The following SMARCAD1 variants were observed in gnomAD, a reference collection of about 807,000 sequenced individuals.
SMARCAD1 encodes SNF2 related chromatin remodeling ATPase with DExD box 1, also known as SWI/SNF-related matrix-associated actin-dependent regulator of chromatin subfamily A containing DEAD/H box 1.
In SMARCAD1, 25 loss-of-function variants were observed where a neutral mutation model predicts 127.1. The ratio of observed to expected loss-of-function variants is 0.20; its 90% CI spans 0.14 to 0.27. SMARCAD1 has a LOEUF of 0.27. Ranked by LOEUF, SMARCAD1 falls within the 10% of genes least tolerant of loss-of-function variation. SMARCAD1 has a pLI of 1.00. For synonymous variants in SMARCAD1, 400 were observed against 396.9 expected, an observed-to-expected ratio of 1.01 and a Z score of -0.09; for missense variants, 807 against 1,206.0, an observed-to-expected ratio of 0.67 and a Z score of 4.90.
rs61762662 is a variant in SMARCAD1, at chr4:94,277,078, C to G, written c.2001C>G (p.Leu667=). 3,315 of 1,614,066 alleles carry G rather than the reference C, an allele frequency of 2.1e-3. 5 individuals carry two copies. Among genetic ancestry groups the G allele is most frequent in the Non-Finnish European group, 2.3e-3 (2,707 of 1,179,954 alleles). The change falls in exon 16 of 24, where the codon CTC becomes CTG. Residue 667 remains leucine, a synonymous_variant. Coordinates refer to ENST00000354268, the MANE Select transcript of SMARCAD1 (RefSeq NM_020159.5). ...GTPVQNNLLE[L]MSLLNFVMPH... is the part of the protein sequence containing the mutation. ...CTGTACAGAACAATCTGTTAGAACT[C>G]ATGTCGCTGTTGAATTTTGTTATGC...
At chr4:94,269,094 T>A (rs756925605) in intron 10 of SMARCAD1, among the ~76,000 whole-genome samples, 1 of 152,252 alleles carries the variant, frequency 6.6e-6, no homozygotes, top group African/African-American at 2.4e-5. Context: ...TACTGCTTTT[T>A]CTCCTACCTA....
At chr4:94,249,547 CTGA>C (rs1195252390) in intron 6 of SMARCAD1, 104 bp from the exon 7 acceptor site, 13 of 712,788 alleles carry the variant, frequency 1.8e-5, no homozygotes, top group Non-Finnish European at 2.8e-5. Context: ...ATTCTTCTGA[CTGA>C]TGATGATAAT....
chr4:94,261,181 A>T (rs985557909), intron 9 of SMARCAD1, among the ~76,000 whole-genome samples: 1 of 151,786 alleles, frequency 6.6e-6, no homozygotes, highest in Admixed American at 6.6e-5. Context: ...ATAAAGATTC[A>T]GTGTGCTTCA....
chr4:94,273,495 A>G, intron 11 of SMARCAD1, 122 bp from the exon 12 acceptor site: 3 of 702,796 alleles, frequency 4.3e-6, no homozygotes, highest in Admixed American at 2.4e-5. Context: ...ATTCCTTTAG[A>G]GTTGCATTCT....
chr4:94,232,718 C>T (rs924407893), intron 3 of SMARCAD1, among the ~76,000 whole-genome samples: 1 of 152,150 alleles, frequency 6.6e-6, no homozygotes, highest in Non-Finnish European at 1.5e-5. Flanking sequence ...TTTGGAAGGC[C>T]AAGGCGGGCG....
At position 94,264,558 on chromosome 4, in the gene SMARCAD1, A is replaced by C. The variant is rs533456086; in HGVS notation, c.1282-149A>C. ...AACATGTAGCAACTCAAATATAAACATGAAGAATCAGGTTCTCTTAGTAGT... is the reference window on the plus strand; with the variant it reads ...AACATGTAGCAACTCAAATATAAACCTGAAGAATCAGGTTCTCTTAGTAGT... On this transcript the variant is annotated intron_variant, in intron 9 of 23. Transcript: ENST00000354268. The C allele has an allele frequency of 1.3e-5, 8 of 606,928 alleles. No homozygotes were observed. The East Asian group carries it at 2.3e-4, about 17-fold the overall frequency. 37.6% of individuals were successfully genotyped at this position (606,928 alleles called of 1,614,324 possible).
intron 16 of SMARCAD1, 98 bp from the exon 17 acceptor site, chr4:94,278,324 G>T: frequency 9.5e-7 from 1 of 1,056,902 alleles, no homozygotes; most frequent in South Asian, 1.4e-5. Context: ...AAATAACTCA[G>T]ACTCTAATGA....
chr4:94,278,400 GAT>G lies in SMARCAD1; in HGVS notation c.2083-19_2083-18del, dbSNP rs756070300. On this transcript the variant is annotated intron_variant, in intron 16 of 23. Coordinates refer to ENST00000354268, the MANE Select transcript of SMARCAD1 (RefSeq NM_020159.5). ...AATTTAAGTGAATAATTCCTAAAAG[GAT>G]ATGTTTTTATTTTGCTCAGAAATCA... 3.0e-5 allele frequency: 47 copies of G among 1,571,432 alleles called. No individual in the cohort carries two copies. Among genetic ancestry groups the G allele is most frequent in the Non-Finnish European group, 3.9e-5 (44 of 1,141,534 alleles).
At chr4:94,231,428 A>G (rs1012945121) in intron 3 of SMARCAD1, among the ~76,000 whole-genome samples, 1 of 152,204 alleles carries the variant, frequency 6.6e-6, no homozygotes, top group Non-Finnish European at 1.5e-5. Context: ...AAAAAGAGCA[A>G]GTGGTCAACT....
chr4:94,270,277 C>T (rs1387323514), intron 10 of SMARCAD1, among the ~76,000 whole-genome samples: 3 of 152,054 alleles, frequency 2.0e-5, no homozygotes, highest in Admixed American at 1.3e-4. Flanking sequence ...GTGATTGACA[C>T]ACATTCAGAA....
intron 2 of SMARCAD1, among the ~76,000 whole-genome samples, chr4:94,214,268 T>G (rs1484211385): frequency 4.8e-5 from 2 of 41,464 alleles, no homozygotes; most frequent in Admixed American, 3.4e-4. Context: ...TTCTTTTGTT[T>G]TTTTTTTTTT....
chr4:94,260,798 C>T (rs1052780603), intron 9 of SMARCAD1, among the ~76,000 whole-genome samples: 1 of 152,048 alleles, frequency 6.6e-6, no homozygotes, highest in African/African-American at 2.4e-5. Flanking sequence ...ATTGGTCACC[C>T]CCACCTTTTA....
chr4:94,233,918 T>A, intron 3 of SMARCAD1, 36 bp from the exon 4 acceptor site: 2 of 1,607,502 alleles, frequency 1.2e-6, no homozygotes, highest in Non-Finnish European at 8.5e-7. Flanking sequence ...AGTAATACAT[T>A]AAAAATGTTT....
chr4:94,220,301 G>A (rs1434370670), intron 2 of SMARCAD1, among the ~76,000 whole-genome samples: 1 of 152,102 alleles, frequency 6.6e-6, no homozygotes, highest in Non-Finnish European at 1.5e-5. Flanking sequence ...AGGCTGGAGT[G>A]CAATGGCGTG....
intron 6 of SMARCAD1, 39 bp from the exon 7 acceptor site, chr4:94,249,615 A>G: frequency 9.6e-7 from 1 of 1,036,348 alleles, no homozygotes; most frequent in Non-Finnish European, 1.5e-6. Flanking sequence ...TGTTATTGAT[A>G]TCTCTTAAAT....
intron 3 of SMARCAD1, 91 bp downstream of exon 3, chr4:94,226,387 C>CTTTT: frequency 1.0e-6 from 1 of 978,326 alleles, no homozygotes; most frequent in Non-Finnish European, 1.5e-6. Context: ...TGGTGACTTC[C>CTTTT]CTTTTTTTTT....
At chr4:94,222,258 T>C (rs1229365823) in intron 2 of SMARCAD1, among the ~76,000 whole-genome samples, 2 of 152,222 alleles carry the variant, frequency 1.3e-5, no homozygotes, top group African/African-American at 4.8e-5. Flanking sequence ...CTTCAATATA[T>C]TATGTTAATA....
At chr4:94,250,249 C>G (rs973106806) in intron 7 of SMARCAD1, among the ~76,000 whole-genome samples, 1 of 151,530 alleles carries the variant, frequency 6.6e-6, no homozygotes, top group Admixed American at 6.6e-5. Context: ...CTGTTTAATC[C>G]CATGATCATA....
Position 94,236,963 on chromosome 4 carries a change from A to T in SMARCAD1, c.549A>T (p.Ser183=). Residue 183 remains serine (S), a synonymous_variant, in exon 5 of 24, where the codon TCA becomes TCT. Transcript: ENST00000354268. Reference sequence around the variant, plus strand: ...TCTCGTTCTGTTAGTTGATTGAATCAACAAGCACTATGGATGGAGCAATTG... The same window carrying T: ...TCTCGTTCTGTTAGTTGATTGAATCTACAAGCACTATGGATGGAGCAATTG... ...SDNDLLKLIE[S]TSTMDGAIAA... is the part of the protein sequence containing the mutation. 6.2e-7 allele frequency: 1 copy of T among 1,613,256 alleles called. No individual in the cohort carries two copies. Among genetic ancestry groups the T allele is most frequent in the Non-Finnish European group, 8.5e-7 (1 of 1,179,466 alleles).
Sources: allele counts gnomAD v4.1 joint callset (sites outside exome capture counted in the v4.1 genomes callset), GRCh38; gene constraint gnomAD v4.1.1; transcripts MANE v1.5; gene names NCBI Gene and HGNC (gene_info 2026-07-23, HGNC 2026-07-21).